The following PTPRT variants were observed in gnomAD, a reference collection of about 807,000 sequenced individuals.
PTPRT encodes the protein receptor-type tyrosine-protein phosphatase T.
In PTPRT, 56 loss-of-function variants were observed where a neutral mutation model predicts 176.8. The observed-to-expected ratio is 0.32, with a 90% CI of 0.26 to 0.40. PTPRT has a LOEUF of 0.40. Ranked by LOEUF, PTPRT falls within the 10% of genes least tolerant of loss-of-function variation. The pLI is 1.00. For synonymous variants in PTPRT, 783 were observed against 739.0 expected (o/e 1.06, Z -0.96); for missense variants, 1,540 against 1,908.2 (o/e 0.81, Z 3.60).
At chr20:42,994,847 C>T (rs540066993) in intron 1 of PTPRT, among the ~76,000 whole-genome samples, 1 of 152,208 alleles carries the variant, frequency 6.6e-6, no homozygotes, top group Non-Finnish European at 1.5e-5. Context: ...AAACATCCTA[C>T]AGCATTTGGC....
chr20:42,422,276 A>G (rs763393736), intron 9 of PTPRT, among the ~76,000 whole-genome samples: 3 of 152,240 alleles, frequency 2.0e-5, no homozygotes, highest in Non-Finnish European at 4.4e-5. Context: ...CAACCTACAG[A>G]ATGGGAGAAA....
chr20:43,124,944 A>T (rs969697870), intron 1 of PTPRT, among the ~76,000 whole-genome samples: 6 of 152,210 alleles, frequency 3.9e-5, no homozygotes, highest in Admixed American at 6.5e-5. Flanking sequence ...AATTTTATGA[A>T]TAAGGAAATT....
intron 1 of PTPRT, among the ~76,000 whole-genome samples, chr20:42,887,755 T>C (rs2079125607): frequency 6.6e-6 from 1 of 152,206 alleles, no homozygotes; most frequent in South Asian, 2.1e-4. Context: ...TTGTTGGATA[T>C]GGACACCCAG....
At chr20:42,824,320 TG>T (rs1396233145) in intron 2 of PTPRT, among the ~76,000 whole-genome samples, 5 of 152,044 alleles carry the variant, frequency 3.3e-5, no homozygotes, top group Admixed American at 6.5e-5. Flanking sequence ...TGTTTTGTTT[TG>T]TTTTTTTTCA....
Position 42,992,408 on chromosome 20 carries a change from ACTCAGTCTATTGGTG to A in PTPRT, c.89-106491_89-106477del, listed in dbSNP as rs574882824. On this transcript the variant is annotated intron_variant, in intron 1 of 30. Transcript: ENST00000373187. ...CCTGGAAAATGGAGAAAAGGAGGAA[ACTCAGTCTATTGGTG>A]CTCAGTCTATTGGGCCAGTAAGCTG... Among the ~76,000 whole-genome samples, 16 of 152,336 alleles carry A rather than the reference ACTCAGTCTATTGGTG, an allele frequency of 1.1e-4. No individual in the cohort carries two copies. In the East Asian group the frequency reaches 1.9e-3, roughly 18 times the overall value.
intron 5 of PTPRT, among the ~76,000 whole-genome samples, chr20:42,759,310 T>G (rs1372315720): frequency 6.6e-6 from 1 of 152,242 alleles, no homozygotes; most frequent in Non-Finnish European, 1.5e-5. Flanking sequence ...ATGTTTTATA[T>G]GCTTTCTCAT....
intron 16 of PTPRT, among the ~76,000 whole-genome samples, chr20:42,196,116 A>G (rs938856531): frequency 6.6e-5 from 10 of 152,308 alleles, no homozygotes; most frequent in Non-Finnish European, 1.5e-4. Context: ...GGCCATAATC[A>G]TTTTGCTTTT....
chr20:42,510,437 A>G (rs867682154), intron 7 of PTPRT, among the ~76,000 whole-genome samples: 2 of 152,224 alleles, frequency 1.3e-5, no homozygotes, highest in Middle Eastern at 6.8e-3. Flanking sequence ...GCATGAATTC[A>G]CATGCTATAA....
chr20:42,750,026 T>G (rs1168537759), intron 6 of PTPRT, among the ~76,000 whole-genome samples: 1 of 151,998 alleles, frequency 6.6e-6, no homozygotes, highest in African/African-American at 2.4e-5. Context: ...AAAAAAAACT[T>G]AAAAAGGAAA....
intron 7 of PTPRT, among the ~76,000 whole-genome samples, chr20:42,536,226 G>C (rs2072474487): frequency 1.3e-5 from 2 of 152,070 alleles, no homozygotes; most frequent in African/African-American, 4.8e-5. Context: ...CAATTCAAAA[G>C]AGCACCTAAC....
At chr20:42,533,492 G>A (rs1472292342) in intron 7 of PTPRT, among the ~76,000 whole-genome samples, 1 of 152,186 alleles carries the variant, frequency 6.6e-6, no homozygotes, top group Non-Finnish European at 1.5e-5. Flanking sequence ...GGCACACAAT[G>A]GGCAGTGTGT....
intron 9 of PTPRT, among the ~76,000 whole-genome samples, chr20:42,371,921 G>T (rs1273144321): frequency 6.6e-6 from 1 of 152,154 alleles, no homozygotes; most frequent in Non-Finnish European, 1.5e-5. Flanking sequence ...GCAGGTGGTT[G>T]GGGCTGAGTC....
intron 8 of PTPRT, among the ~76,000 whole-genome samples, chr20:42,469,785 G>C (rs2071162775): frequency 6.6e-6 from 1 of 152,028 alleles, no homozygotes; most frequent in African/African-American, 2.4e-5. Flanking sequence ...GGGAGGGATG[G>C]ATCATCAAAG....
At chr20:42,844,886 A>G (rs1464506867) in intron 2 of PTPRT, among the ~76,000 whole-genome samples, 1 of 152,106 alleles carries the variant, frequency 6.6e-6, no homozygotes, top group Non-Finnish European at 1.5e-5. Context: ...CTGCCATTCC[A>G]TGACTCTCTA....
chr20:42,042,323 T>C, the PTPRT span, among the ~76,000 whole-genome samples: 1 of 152,230 alleles, frequency 6.6e-6, no homozygotes, highest in Non-Finnish European at 1.5e-5. Context: ...ACGATGGTTT[T>C]ATTGCATACC....
intron 1 of PTPRT, among the ~76,000 whole-genome samples, chr20:43,089,521 C>T (rs929742083): frequency 8.5e-5 from 13 of 152,208 alleles, no homozygotes; most frequent in Non-Finnish European, 1.6e-4. Flanking sequence ...TCACTGATAT[C>T]CCAGTAAATA....
At chr20:42,491,679 C>A (rs755869021) in intron 7 of PTPRT, among the ~76,000 whole-genome samples, 3 of 152,160 alleles carry the variant, frequency 2.0e-5, no homozygotes, top group Non-Finnish European at 2.9e-5. Context: ...AGTGAATCCT[C>A]GTCACACACC....
chr20:42,451,397 A>G (rs753737787), intron 8 of PTPRT, among the ~76,000 whole-genome samples: 18 of 152,220 alleles, frequency 1.2e-4, no homozygotes, highest in Non-Finnish European at 2.4e-4. Flanking sequence ...TCAGGTATAC[A>G]TAGAACATCC....
chr20:42,314,161 T>C (rs1363020922), intron 12 of PTPRT, among the ~76,000 whole-genome samples: 1 of 152,134 alleles, frequency 6.6e-6, no homozygotes, highest in Non-Finnish European at 1.5e-5. Context: ...TATAAGCTCT[T>C]GGAGGGTACA....
Sources: gnomAD v4.1 joint callset for allele counts (sites outside exome capture counted in the v4.1 genomes callset) on GRCh38, gnomAD v4.1.1 for gene constraint, MANE v1.5 for transcripts, NCBI Gene and HGNC (gene_info 2026-07-23, HGNC 2026-07-21) for gene names.